MSRB2: variants seen among roughly 807,000 people sequenced by gnomAD.
The protein encoded by MSRB2 is methionine sulfoxide reductase B2.
MSRB2 carries 17 observed loss-of-function variants against 19.0 expected under a neutral mutation model. That is an observed-to-expected ratio of 0.89 (90% CI 0.61 to 1.34). The LOEUF is 1.34. Among genes scored for constraint, MSRB2 ranks in the 40% most tolerant of loss-of-function variants. The pLI, the probability that MSRB2 is intolerant of heterozygous loss-of-function variation, is 0.00. For missense variants in MSRB2, 208 were observed against 237.6 expected (o/e 0.88, Z 0.82); for synonymous variants, 107 against 99.7 (o/e 1.07, Z -0.44).
chr10:23,108,169 G>T (rs1840005203), intron 2 of MSRB2, among the ~76,000 whole-genome samples: 1 of 152,084 alleles, frequency 6.6e-6, no homozygotes, highest in Non-Finnish European at 1.5e-5. Context: ...TGTTGGCCAG[G>T]CTGGTCTTGA....
At chr10:23,109,844 A>T (rs1408766673) in intron 2 of MSRB2, among the ~76,000 whole-genome samples, 2 of 152,206 alleles carry the variant, frequency 1.3e-5, no homozygotes, top group African/African-American at 4.8e-5. Flanking sequence ...TTCTGTCTTT[A>T]ATTGGAGATT....
intron 1 of MSRB2, among the ~76,000 whole-genome samples, chr10:23,101,556 T>C (rs908892451): frequency 1.3e-5 from 2 of 152,246 alleles, no homozygotes; most frequent in African/African-American, 4.8e-5. Context: ...AATGGTATTC[T>C]ACTTTTAGTT....
At chr10:23,096,378 G>A (rs966817376) in intron 1 of MSRB2, among the ~76,000 whole-genome samples, 14 of 151,342 alleles carry the variant, frequency 9.3e-5, no homozygotes, top group Non-Finnish European at 1.6e-4. Flanking sequence ...GTGTGTTTCT[G>A]CTAAATACTT....
intron 2 of MSRB2, among the ~76,000 whole-genome samples, chr10:23,106,632 G>A (rs905967467): frequency 1.3e-5 from 2 of 152,190 alleles, no homozygotes; most frequent in African/African-American, 4.8e-5. Flanking sequence ...CTCTCTGTGG[G>A]GCTGCAGGAT....
At chr10:23,106,507 G>A (rs1302777148) in intron 2 of MSRB2, among the ~76,000 whole-genome samples, 2 of 152,194 alleles carry the variant, frequency 1.3e-5, no homozygotes, top group Non-Finnish European at 2.9e-5. Flanking sequence ...CCCCTGCTCT[G>A]AGCTCTAGGA....
At chr10:23,111,623 T>C (rs1398307013) in intron 3 of MSRB2, among the ~76,000 whole-genome samples, 2 of 152,166 alleles carry the variant, frequency 1.3e-5, no homozygotes, top group Admixed American at 6.5e-5. Context: ...GGTGTCAGAA[T>C]ACTGGAGCCA....
intron 3 of MSRB2, among the ~76,000 whole-genome samples, chr10:23,112,384 C>A (rs777796269): frequency 6.6e-6 from 1 of 152,174 alleles, no homozygotes; most frequent in Non-Finnish European, 1.5e-5. Flanking sequence ...ATCCTGGCTC[C>A]ATTGCTGTGT....
intron 1 of MSRB2, among the ~76,000 whole-genome samples, chr10:23,096,373 T>TGTGTGTGTGTGTGTGTGTGTGTGTG (rs3838757): frequency 2.0e-4 from 30 of 151,704 alleles, no homozygotes; most frequent in Admixed American, 2.6e-4. Flanking sequence ...TGTGTGTGTG[T>TGTGTGTGTGTGTGTGTGTGTGTGTG]TTCTGCTAAA....
intron 1 of MSRB2, among the ~76,000 whole-genome samples, chr10:23,097,226 T>G (rs3793757): frequency 0.28 from 42,168 of 151,854 alleles, 5,926 homozygotes; most frequent in African/African-American, 0.34. Flanking sequence ...AAACGGAGTA[T>G]TTCTGTGGTG....
At position 23,095,743 on chromosome 10, in the gene MSRB2, G is replaced by T; in HGVS notation, c.118+17G>T. The T allele has an allele frequency of 8.1e-7, 1 of 1,232,966 alleles. No homozygotes were observed. Among genetic ancestry groups the T allele is most frequent in the Non-Finnish European group, 1.0e-6 (1 of 984,756 alleles). The allele number at this position is 1,232,966 out of a possible 1,614,324, so 76.4% of individuals were successfully genotyped here. The stretch of plus-strand genomic sequence containing the variant: ...GGGAGGCAGGTAGGACGCGGGTCCC[G>T]CAGGCCCCGCCGCCGCCTACGGCTT... On this transcript the variant is annotated intron_variant, in intron 1 of 4. Transcript: ENST00000376510.
intron 3 of MSRB2, among the ~76,000 whole-genome samples, chr10:23,116,222 A>G (rs1245198907): frequency 1.6e-4 from 3 of 18,672 alleles, no homozygotes; most frequent in African/African-American, 8.9e-4. Flanking sequence ...AAACAATCAT[A>G]CAATCTATAA....
chr10:23,099,014 C>T (rs1564426848), intron 1 of MSRB2, among the ~76,000 whole-genome samples: 1 of 152,194 alleles, frequency 6.6e-6, no homozygotes, highest in Non-Finnish European at 1.5e-5. Flanking sequence ...CTCTGCTGTC[C>T]CTTCCTCTTA....
intron 3 of MSRB2, among the ~76,000 whole-genome samples, chr10:23,114,608 TGA>T (rs889138760): frequency 6.6e-6 from 1 of 152,208 alleles, no homozygotes; most frequent in Non-Finnish European, 1.5e-5. Context: ...GCACTCTTCT[TGA>T]GAGTGGGAAG....
intron 1 of MSRB2, 139 bp from the exon 2 acceptor site, chr10:23,104,005 A>G: frequency 1.9e-6 from 1 of 532,458 alleles, no homozygotes; most frequent in Non-Finnish European, 3.2e-6. Context: ...GGTCCCCATG[A>G]AGAATAAACT....
chr10:23,118,052 C>T (rs1484649054), intron 3 of MSRB2, among the ~76,000 whole-genome samples: 3 of 152,020 alleles, frequency 2.0e-5, no homozygotes, highest in Admixed American at 2.0e-4. Flanking sequence ...GGCACTCAAC[C>T]TATATTAAAA....
intron 2 of MSRB2, among the ~76,000 whole-genome samples, chr10:23,107,597 C>A (rs955601601): frequency 1.5e-4 from 23 of 152,176 alleles, no homozygotes; most frequent in Non-Finnish European, 1.5e-4. Context: ...TGTGGAAACT[C>A]CCCCCTTCGT....
At chr10:23,110,908 C>A (rs946571043) in intron 3 of MSRB2, among the ~76,000 whole-genome samples, 1 of 151,922 alleles carries the variant, frequency 6.6e-6, no homozygotes, top group Non-Finnish European at 1.5e-5. Context: ...TTTAGACATG[C>A]AGGAAACAGT....
intron 2 of MSRB2, among the ~76,000 whole-genome samples, chr10:23,107,038 T>C (rs1470568127): frequency 6.6e-6 from 1 of 152,216 alleles, no homozygotes; most frequent in East Asian, 1.9e-4. Context: ...TTCAATTCTC[T>C]CTTCTAAGTA....
intron 3 of MSRB2, among the ~76,000 whole-genome samples, chr10:23,117,345 C>T (rs2131633554): frequency 6.6e-6 from 1 of 152,284 alleles, no homozygotes. Context: ...CTTGAGGCCA[C>T]ATCCTCTTAT....
Sources: allele counts gnomAD v4.1 joint callset (sites outside exome capture counted in the v4.1 genomes callset), GRCh38; gene constraint gnomAD v4.1.1; transcripts MANE v1.5; gene names NCBI Gene and HGNC (gene_info 2026-07-23, HGNC 2026-07-21).